Variants in FMN1 observed in about 807,000 individuals in gnomAD.
The protein encoded by FMN1 is formin-1.
In FMN1, 110 loss-of-function variants were observed where a neutral mutation model predicts 132.4. The observed-to-expected ratio is 0.83, with a 90% CI of 0.71 to 0.97. The LOEUF (loss-of-function observed/expected upper bound fraction) is 0.97. Among genes scored for constraint, FMN1 ranks in the 50% least tolerant of loss-of-function variants. The pLI, the probability that FMN1 is intolerant of heterozygous loss-of-function variation, is 0.00. For missense variants in FMN1, 1,792 were observed against 1,705.3 expected, an observed-to-expected ratio of 1.05 and a Z score of -0.90; for synonymous variants, 722 against 651.7, an observed-to-expected ratio of 1.11 and a Z score of -1.64.
At position 32,968,858 on chromosome 15, in the gene FMN1, G is replaced by T. The variant is rs1185210676; in HGVS notation, c.2843C>A (p.Pro948His). Residue 948 changes from proline to histidine, a missense_variant, in exon 8 of 21, where the codon CCC becomes CAC. By Grantham distance (77) the Pro-to-His change is moderately conservative. Around this residue, in one of 3 missense-constraint regions of FMN1, gnomAD observed 1,150 missense variants for 1,043.1 expected, o/e 1.10. Transcript: ENST00000616417. Reference sequence around the variant, plus strand: ...GGGAGGTGGGGGTGCAAGTCCTGGGGGTGGTGGAGCAGGAGGAGGCCCTCC... The same window carrying T: ...GGGAGGTGGGGGTGCAAGTCCTGGGTGTGGTGGAGCAGGAGGAGGCCCTCC... Reference protein sequence around the residue: ...NPGGPPPAPPPPGLAPPPPPG... With the variant: ...NPGGPPPAPPHPGLAPPPPPG... 4 of 1,515,930 alleles carry T rather than the reference G, an allele frequency of 2.6e-6. No homozygotes were observed. The highest frequency in any genetic ancestry group is 2.7e-6 in the Non-Finnish European group (3 of 1,098,796). The allele number at this position is 1,515,930 out of a possible 1,614,324, so 93.9% of individuals were successfully genotyped here. A position where few individuals can be genotyped will look rare whatever the true frequency, so the allele number is the denominator to read the frequency against.
intron 16 of FMN1, among the ~76,000 whole-genome samples, chr15:32,866,859 G>A (rs549753806): frequency 2.4e-4 from 36 of 152,170 alleles, no homozygotes; most frequent in Admixed American, 1.4e-3. Context: ...CTTAGCGTCT[G>A]TGTTCCCCAT....
intron 15 of FMN1, among the ~76,000 whole-genome samples, chr15:32,897,828 G>GAA (rs1163462029): frequency 6.6e-6 from 1 of 151,982 alleles, no homozygotes; most frequent in Admixed American, 6.6e-5. Context: ...GGGTCGGCAG[G>GAA]AAAACAAAAC....
intron 4 of FMN1, among the ~76,000 whole-genome samples, chr15:33,117,338 A>G (rs2039967243): frequency 6.6e-6 from 1 of 152,130 alleles, no homozygotes; most frequent in Admixed American, 6.6e-5. Context: ...TCTCCTTAAG[A>G]GTAATCTAAA....
At chr15:32,899,299 A>C (rs1353441646) in intron 14 of FMN1, among the ~76,000 whole-genome samples, 3 of 152,174 alleles carry the variant, frequency 2.0e-5, no homozygotes, top group Non-Finnish European at 2.9e-5. Context: ...GTGAAAAACA[A>C]TCCAGGCCAG....
At chr15:33,168,726 G>A (rs1051585948) in intron 3 of FMN1, among the ~76,000 whole-genome samples, 1 of 152,216 alleles carries the variant, frequency 6.6e-6, no homozygotes, top group South Asian at 2.1e-4. Flanking sequence ...ATCTGCTCAA[G>A]CATTTAAACC....
intron 17 of FMN1, among the ~76,000 whole-genome samples, chr15:32,844,913 C>T (rs553714542): frequency 4.6e-5 from 7 of 152,324 alleles, no homozygotes; most frequent in African/African-American, 1.4e-4. Flanking sequence ...ATTAGTCCTG[C>T]GTTCCTACTA....
chr15:32,970,554 C>A (rs1031920941), intron 7 of FMN1, among the ~76,000 whole-genome samples: 1 of 152,132 alleles, frequency 6.6e-6, no homozygotes, highest in African/African-American at 2.4e-5. Context: ...GTCCCAAGAG[C>A]CTCCCTTATC....
intron 4 of FMN1, among the ~76,000 whole-genome samples, chr15:33,097,315 AAAG>A (rs2039124343): frequency 7.0e-6 from 1 of 143,496 alleles, no homozygotes. Context: ...AAAAAAAAAA[AAAG>A]AGAGAGAGAG....
At chr15:32,792,482 A>C (rs1475944247) in intron 19 of FMN1, among the ~76,000 whole-genome samples, 1 of 151,810 alleles carries the variant, frequency 6.6e-6, no homozygotes, top group African/African-American at 2.4e-5. Context: ...AAAACCCAAA[A>C]AAACTAGCAG....
intron 6 of FMN1, among the ~76,000 whole-genome samples, chr15:33,014,069 G>C (rs2034894472): frequency 6.6e-6 from 1 of 152,168 alleles, no homozygotes; most frequent in South Asian, 2.1e-4. Flanking sequence ...CGGGTGGCAG[G>C]AAACACACTC....
In FMN1 at chr15:32,951,745, C is replaced by T. The variant is rs138080462; in HGVS notation, c.3138+12362G>A. Among the ~76,000 whole-genome samples, 1,424 of 152,280 alleles carry T rather than the reference C, an allele frequency of 9.4e-3. 21 individuals are homozygous for T. Among genetic ancestry groups the T allele is most frequent in the African/African-American group, 0.032 (1,338 of 41,554 alleles). On this transcript the variant is annotated intron_variant, in intron 9 of 20. Transcript: ENST00000616417. The stretch of plus-strand genomic sequence containing the variant: ...CTTTGAAGCAGACATTAATATTACT[C>T]TTTCTTTACAGATGAGAAAACTGTA...
intron 7 of FMN1, among the ~76,000 whole-genome samples, chr15:33,001,547 T>A (rs2034106711): frequency 7.3e-6 from 1 of 136,064 alleles, no homozygotes; most frequent in Non-Finnish European, 1.6e-5. Context: ...TCCCCCCTCA[T>A]CCTCCTCCTC....
At chr15:32,804,249 G>T (rs370256942) in intron 18 of FMN1, 32 bp downstream of exon 18, 18 of 1,514,500 alleles carry the variant, frequency 1.2e-5, no homozygotes, top group Non-Finnish European at 1.5e-5. Context: ...GCTAGTCAAA[G>T]AAAGAACTGG....
intron 10 of FMN1, among the ~76,000 whole-genome samples, chr15:32,923,021 C>CT (rs1421699600): frequency 5.9e-5 from 9 of 152,160 alleles, no homozygotes; most frequent in African/African-American, 2.2e-4. Flanking sequence ...ATACTCTCCT[C>CT]TAAGTGAATA....
At chr15:33,021,611 G>A (rs1468764876) in intron 6 of FMN1, among the ~76,000 whole-genome samples, 3 of 152,102 alleles carry the variant, frequency 2.0e-5, no homozygotes, top group East Asian at 1.9e-4. Flanking sequence ...CAGGAAATTC[G>A]TGGCTATATC....
At chr15:33,098,889 G>A (rs1437176327) in intron 4 of FMN1, among the ~76,000 whole-genome samples, 1 of 152,072 alleles carries the variant, frequency 6.6e-6, no homozygotes, top group Non-Finnish European at 1.5e-5. Flanking sequence ...ACTGTTGCTA[G>A]TTCCTCGGAA....
intron 4 of FMN1, among the ~76,000 whole-genome samples, chr15:33,117,930 A>ACG (rs1006549300): frequency 5.3e-5 from 8 of 152,214 alleles, no homozygotes; most frequent in African/African-American, 1.9e-4. Flanking sequence ...ATGGAGTGGC[A>ACG]GTACGGAAGA....
chr15:33,189,196 G>T (rs1457817356), intron 2 of FMN1, among the ~76,000 whole-genome samples: 1 of 152,146 alleles, frequency 6.6e-6, no homozygotes, highest in Non-Finnish European at 1.5e-5. Context: ...ATTTACTTGG[G>T]GTTGGATGGG....
intron 2 of FMN1, among the ~76,000 whole-genome samples, chr15:33,193,215 C>G (rs1966138848): frequency 6.6e-6 from 1 of 152,104 alleles, no homozygotes; most frequent in African/African-American, 2.4e-5. Flanking sequence ...GAAGCAACAT[C>G]TTCCACAACG....
Sources: gnomAD v4.1 joint callset for allele counts (sites outside exome capture counted in the v4.1 genomes callset) on GRCh38, gnomAD v4.1.1 for gene constraint, gnomAD v4.1.1 regional missense constraint, MANE v1.5 for transcripts, NCBI Gene and HGNC (gene_info 2026-07-23, HGNC 2026-07-21) for gene names.